HIP1R: variants seen among roughly 807,000 people sequenced by gnomAD.
HIP1R encodes huntingtin-interacting protein 1-related protein.
In HIP1R, 135 loss-of-function variants were observed where a neutral mutation model predicts 144.2. That is an observed-to-expected ratio of 0.94 (90% CI 0.81 to 1.08). HIP1R has a LOEUF of 1.08. Ranked by LOEUF, HIP1R falls within the 50% of genes least tolerant of loss-of-function variation. The pLI, the probability that HIP1R is intolerant of heterozygous loss-of-function variation, is 0.00. For synonymous variants in HIP1R, 698 were observed against 612.8 expected (o/e 1.14, Z -2.05); for missense variants, 1,462 against 1,432.8 (o/e 1.02, Z -0.33).
chr12:122,835,838 G>T (rs1044032023), intron 1 of HIP1R, among the ~76,000 whole-genome samples, 195 bp downstream of exon 1: 1 of 149,458 alleles, frequency 6.7e-6, no homozygotes, highest in African/African-American at 2.4e-5. Context: ...TCCGCGGCCC[G>T]AGCCGACCGG....
intron 1 of HIP1R, among the ~76,000 whole-genome samples, chr12:122,847,174 C>T (rs1428536196): frequency 2.2e-3 from 1 of 450 alleles, no homozygotes; most frequent in East Asian, 0.17. Flanking sequence ...AGACCTGTTC[C>T]CTGCATGAGA....
chr12:122,854,780 G>A (rs1042961424), intron 8 of HIP1R, 125 bp from the exon 9 acceptor site: 3 of 947,052 alleles, frequency 3.2e-6, no homozygotes, highest in African/African-American at 1.7e-5. Context: ...ATGGGAGAGC[G>A]GGCCTGGCCC....
At chr12:122,848,003 C>G (rs1593868132) in intron 1 of HIP1R, 28 bp from the exon 2 acceptor site, 1 of 1,612,600 alleles carries the variant, frequency 6.2e-7, no homozygotes, top group Admixed American at 1.7e-5. Flanking sequence ...GCCTGGGGCT[C>G]TAAACACTGC....
chr12:122,861,779 C>T lies in HIP1R; in HGVS notation c.*26C>T. The T allele has an allele frequency of 1.2e-6, 2 of 1,611,946 alleles. No homozygotes were observed. The highest frequency in any genetic ancestry group is 1.7e-6 in the Non-Finnish European group (2 of 1,178,378). On this transcript the variant is annotated 3_prime_UTR_variant, in exon 32 of 32. Coordinates refer to ENST00000253083, the MANE Select transcript of HIP1R (RefSeq NM_003959.3). ...GCCCCCCAGGGGTCCAGCAGGGTGGCTGGTGACAGGCCTGGGCCTCTGCAA... is the reference window on the plus strand; with the variant it reads ...GCCCCCCAGGGGTCCAGCAGGGTGGTTGGTGACAGGCCTGGGCCTCTGCAA...
Position 122,856,066 on chromosome 12 carries a change from C to G in HIP1R, c.1215C>G (p.Ala405=), listed in dbSNP as rs750626754. 6.3e-7 allele frequency: 1 copy of G among 1,591,316 alleles called. No homozygotes were observed. Among genetic ancestry groups the G allele is most frequent in the South Asian group, 1.1e-5 (1 of 87,968 alleles). ...LEEQRKQKQK[A]LVDNEQLRHE... Reference sequence around the variant, plus strand: ...AGCAGCGGAAGCAGAAGCAGAAGGCCCTGGTGGATAATGAGCAGCTCCGCC... The same window carrying G: ...AGCAGCGGAAGCAGAAGCAGAAGGCGCTGGTGGATAATGAGCAGCTCCGCC... Residue 405 remains alanine, a synonymous_variant, in exon 14 of 32, where the codon GCC becomes GCG. Transcript: ENST00000253083.
At chr12:122,861,078 G>C (rs748387122) in intron 29 of HIP1R, 39 bp downstream of exon 29, 28 of 1,613,464 alleles carry the variant, frequency 1.7e-5, no homozygotes, top group Non-Finnish European at 2.4e-5. Flanking sequence ...TGGCTCCCGA[G>C]GCTGAATGGG....
chr12:122,835,319 C>A, upstream of HIP1R: 2 of 741,764 alleles, frequency 2.7e-6, no homozygotes, highest in Non-Finnish European at 1.6e-6. Context: ...GGTGGAGGGG[C>A]GCGCCCTGGA....
chr12:122,843,407 G>A (rs747985850), intron 1 of HIP1R, among the ~76,000 whole-genome samples: 28 of 152,218 alleles, frequency 1.8e-4, no homozygotes, highest in Non-Finnish European at 2.5e-4. Context: ...GAACAATGCT[G>A]TCTGCTCGGG....
At chr12:122,843,363 G>A (rs558127650) in intron 1 of HIP1R, among the ~76,000 whole-genome samples, 32 of 152,298 alleles carry the variant, frequency 2.1e-4, no homozygotes, top group Admixed American at 1.3e-3. Flanking sequence ...CACCTGCTCC[G>A]AGGTTCCTTG....
intron 7 of HIP1R, among the ~76,000 whole-genome samples, chr12:122,852,362 G>C (rs1315871232): frequency 6.6e-6 from 1 of 152,228 alleles, no homozygotes; most frequent in African/African-American, 2.4e-5. Flanking sequence ...CCCCAACTGT[G>C]CAGCAGGACA....
At position 122,861,533 on chromosome 12, in the gene HIP1R, TG is replaced by T; in HGVS notation, c.3159+24del. 6.2e-7 allele frequency: 1 copy of T among 1,603,102 alleles called. No homozygotes were observed. Among genetic ancestry groups the T allele is most frequent in the Non-Finnish European group, 8.5e-7 (1 of 1,175,074 alleles). Reference sequence around the variant, plus strand: ...CCACCAGGTGCCGTCTGCACTGGGATGGGGGAGTTCCTGGACGGGGGTGCTG... The same window carrying T: ...CCACCAGGTGCCGTCTGCACTGGGATGGGGAGTTCCTGGACGGGGGTGCTG... On this transcript the variant is annotated intron_variant, in intron 31 of 31. Transcript: ENST00000253083.
At chr12:122,843,539 G>T (rs1335217286) in intron 1 of HIP1R, among the ~76,000 whole-genome samples, 2 of 152,224 alleles carry the variant, frequency 1.3e-5, no homozygotes, top group Non-Finnish European at 2.9e-5. Context: ...TATCCTGAGT[G>T]TATCTGCAGA....
intron 1 of HIP1R, among the ~76,000 whole-genome samples, chr12:122,842,075 A>G (rs919766565): frequency 3.9e-5 from 6 of 152,270 alleles, no homozygotes; most frequent in Middle Eastern, 3.4e-3. Flanking sequence ...CGGCCTCCTC[A>G]GCTACAGAAA....
Position 122,855,412 on chromosome 12 carries a change from C to T in HIP1R, c.993+7C>T, listed in dbSNP as rs777153003. 9.6e-6 allele frequency: 15 copies of T among 1,558,754 alleles called. No homozygotes were observed. In the Admixed American group the frequency reaches 1.3e-4, roughly 14 times the overall value. On this transcript the variant is annotated splice_region_variant and intron_variant, in intron 11 of 31. Transcript: ENST00000253083. ...CCCCGCGGGGGAGCCAGTGGTGAGC[C>T]CCCTGCCCAGCCCGTGTCCCCCAGT...
chr12:122,861,527 C>T lies in HIP1R; in HGVS notation c.3159+13C>T. On this transcript the variant is annotated intron_variant, in intron 31 of 31. Coordinates refer to ENST00000253083, the MANE Select transcript of HIP1R (RefSeq NM_003959.3). ...ACAGGACCACCAGGTGCCGTCTGCA[C>T]TGGGATGGGGGAGTTCCTGGACGGG... 2 of 1,606,364 alleles carry T rather than the reference C, an allele frequency of 1.2e-6. No individual in the cohort carries two copies. Among genetic ancestry groups the T allele is most frequent in the Non-Finnish European group, 1.7e-6 (2 of 1,176,586 alleles).
chr12:122,859,027 G>C lies in HIP1R; in HGVS notation c.2159-34G>C, dbSNP rs553321000. ...GGGTCCTTATGGAGCCTGTCGGTGG[G>C]GGGGGCTCCACTCACGGTCCTTTCT... On this transcript the variant is annotated intron_variant, in intron 21 of 31. Coordinates refer to ENST00000253083, the MANE Select transcript of HIP1R (RefSeq NM_003959.3). 7 of 1,212,002 alleles carry C rather than the reference G, an allele frequency of 5.8e-6. 1 individual carries two copies. In the East Asian group the frequency reaches 1.0e-4, roughly 18 times the overall value. 75.1% of individuals were successfully genotyped at this position (1,212,002 alleles called of 1,614,324 possible). A position where few individuals can be genotyped will look rare whatever the true frequency, so the allele number is the denominator to read the frequency against.
chr12:122,860,594 G>T, intron 27 of HIP1R, 71 bp downstream of exon 27: 1 of 1,564,900 alleles, frequency 6.4e-7, no homozygotes, highest in Non-Finnish European at 8.8e-7. Context: ...GGTTCAACAG[G>T]GTGCAGGGAG....
chr12:122,844,130 C>T (rs1383649211), intron 1 of HIP1R, among the ~76,000 whole-genome samples: 2 of 152,062 alleles, frequency 1.3e-5, no homozygotes, highest in Non-Finnish European at 2.9e-5. Flanking sequence ...TGAGCCACCA[C>T]ACCTGGCCTA....
rs1248480020 is a variant in HIP1R, at chr12:122,840,135, G to A, written c.93+4492G>A. Among the ~76,000 whole-genome samples the A allele has an allele frequency of 1.3e-5, 2 of 152,232 alleles. No homozygotes were observed. The highest frequency in any genetic ancestry group is 6.5e-5 in the Admixed American group (1 of 15,288). ...ATGCCCGGCAGGCCGCTGACTTCCC[G>A]ACCCCTGGGCTGCATATTGCCTCCC... On this transcript the variant is annotated intron_variant, in intron 1 of 31. Coordinates refer to ENST00000253083, the MANE Select transcript of HIP1R (RefSeq NM_003959.3). This position sits in a 1 kb window ranked among gnomAD's most constrained non-coding sequence, Gnocchi z 4.2.
Sources: gnomAD v4.1 joint callset for allele counts (sites outside exome capture counted in the v4.1 genomes callset) on GRCh38, gnomAD v4.1.1 for gene constraint, Gnocchi (gnomAD v3.1) non-coding constraint, MANE v1.5 for transcripts, NCBI Gene and HGNC (gene_info 2026-07-23, HGNC 2026-07-21) for gene names.